The following CEP112 variants were observed in gnomAD, a reference collection of about 807,000 sequenced individuals.
CEP112 encodes centrosomal protein of 112 kDa.
Under a neutral mutation model 153.0 loss-of-function variants are expected in CEP112, and 127 were observed. The observed-to-expected ratio is 0.83, with a 90% CI of 0.72 to 0.96. CEP112 has a LOEUF of 0.96. Among genes scored for constraint, CEP112 ranks in the 40% least tolerant of loss-of-function variants. The pLI, the probability that CEP112 is intolerant of heterozygous loss-of-function variation, is 0.00. For missense variants in CEP112, 1,089 were observed against 1,101.2 expected, an observed-to-expected ratio of 0.99 and a Z score of 0.16; for synonymous variants, 358 against 374.4, an observed-to-expected ratio of 0.96 and a Z score of 0.51.
In CEP112 at chr17:65,983,705, C is replaced by G. The variant is rs2063307045; in HGVS notation, c.1736+21985G>C. Among the ~76,000 whole-genome samples, 2 of 152,170 alleles carry G rather than the reference C, an allele frequency of 1.3e-5. 1 individual carries two copies. The highest frequency in any genetic ancestry group is 4.1e-4 in the South Asian group (2 of 4,826). On this transcript the variant is annotated intron_variant, in intron 17 of 26. Coordinates refer to ENST00000535342, the MANE Select transcript of CEP112 (RefSeq NM_001199165.4). ...GTCCTACAAGAAGCAGATGTTGGCACCAAGCTTCTTGTACAGTCTGTAGAA... is the reference window on the plus strand; with the variant it reads ...GTCCTACAAGAAGCAGATGTTGGCAGCAAGCTTCTTGTACAGTCTGTAGAA...
chr17:65,912,033 C>T (rs1029591425), intron 19 of CEP112, among the ~76,000 whole-genome samples: 4 of 152,168 alleles, frequency 2.6e-5, no homozygotes, highest in Non-Finnish European at 5.9e-5. Flanking sequence ...TCTCTTAAAA[C>T]AAACGGGTTC....
intron 17 of CEP112, among the ~76,000 whole-genome samples, chr17:65,992,896 G>A (rs535792137): frequency 2.6e-5 from 4 of 151,948 alleles, no homozygotes; most frequent in Non-Finnish European, 4.4e-5. Context: ...TAAACTGGAA[G>A]GCTTAATTCT....
chr17:65,821,520 A>ATATATATATATATATAAT (rs2056561313), intron 21 of CEP112, among the ~76,000 whole-genome samples: 2 of 26,810 alleles, frequency 7.5e-5, no homozygotes, highest in Non-Finnish European at 1.4e-4. Flanking sequence ...ATAATTATAT[A>ATATATATATATATATAAT]TATATATATA....
intron 16 of CEP112, among the ~76,000 whole-genome samples, chr17:66,013,933 G>A (rs2064652989): frequency 6.6e-6 from 1 of 152,202 alleles, no homozygotes; most frequent in Admixed American, 6.5e-5. Context: ...CCTTGTGCAT[G>A]TTCACACTGG....
At chr17:66,050,353 A>G (rs577202448) in intron 12 of CEP112, among the ~76,000 whole-genome samples, 5 of 152,190 alleles carry the variant, frequency 3.3e-5, no homozygotes, top group African/African-American at 9.6e-5. Flanking sequence ...CACTCAAAGG[A>G]TTCTAGAGCC....
rs115173519 is a variant in CEP112, at chr17:65,667,941, G to A, written c.2697+21188C>T. On this transcript the variant is annotated intron_variant, in intron 24 of 26. Transcript: ENST00000535342. Reference sequence around the variant, plus strand: ...AGACTGAGTCTCGCTGTGTCACCCAGGATGGAGTGCAGTGGCGCAGTCTCC... The same window carrying A: ...AGACTGAGTCTCGCTGTGTCACCCAAGATGGAGTGCAGTGGCGCAGTCTCC... 4.2e-3 allele frequency among the ~76,000 whole-genome samples: 637 copies of A among 151,582 alleles called. 3 individuals are homozygous for A. Among genetic ancestry groups the A allele is most frequent in the African/African-American group, 0.014 (589 of 41,320 alleles).
At chr17:65,693,277 CT>C (rs1407084262) in intron 23 of CEP112, among the ~76,000 whole-genome samples, 5 of 152,076 alleles carry the variant, frequency 3.3e-5, no homozygotes, top group African/African-American at 9.7e-5. Flanking sequence ...CACCTGCCCC[CT>C]GTCCCCACTG....
At chr17:65,744,118 C>G (rs960034083) in intron 22 of CEP112, among the ~76,000 whole-genome samples, 2 of 152,012 alleles carry the variant, frequency 1.3e-5, no homozygotes, top group African/African-American at 4.8e-5. Context: ...AAATACCTTA[C>G]GTTGTTGAAA....
rs1755822056 is a variant in CEP112, at chr17:65,818,344, A to C, written c.2394+33460T>G. ...CAAAGCCCTCGTTGCAGAACACCAA[A>C]AGCCACATATTTTAAGATATCAAAA... On this transcript the variant is annotated intron_variant, in intron 21 of 26. Coordinates refer to ENST00000535342, the MANE Select transcript of CEP112 (RefSeq NM_001199165.4). 2.6e-5 allele frequency among the ~76,000 whole-genome samples: 4 copies of C among 151,884 alleles called. No homozygotes were observed. In the South Asian group the frequency reaches 8.3e-4, roughly 31 times the overall value.
At chr17:65,870,014 T>C (rs543768697) in intron 20 of CEP112, among the ~76,000 whole-genome samples, 1 of 44,614 alleles carries the variant, frequency 2.2e-5, no homozygotes, top group African/African-American at 7.1e-5. Context: ...AGGTAGAGAA[T>C]AAGAAAGAAA....
intron 21 of CEP112, among the ~76,000 whole-genome samples, chr17:65,844,676 C>CAA (rs1351732289): frequency 3.1e-5 from 4 of 130,662 alleles, no homozygotes; most frequent in Non-Finnish European, 4.9e-5. Context: ...GACTCTATCT[C>CAA]AAAAAAAAAA....
chr17:66,082,777 A>T (rs1033515059), intron 8 of CEP112, among the ~76,000 whole-genome samples: 9 of 151,450 alleles, frequency 5.9e-5, no homozygotes, highest in African/African-American at 1.2e-4. Context: ...AAAAAAAAAA[A>T]TTTTTATATG....
At chr17:66,186,217 T>G (rs118190016) in intron 1 of CEP112, among the ~76,000 whole-genome samples, 2 of 152,118 alleles carry the variant, frequency 1.3e-5, no homozygotes, top group Non-Finnish European at 2.9e-5. Context: ...CTGACTACCA[T>G]GTACTCCCCT....
At chr17:65,850,750 C>A (rs1259242192) in intron 21 of CEP112, among the ~76,000 whole-genome samples, 1 of 152,184 alleles carries the variant, frequency 6.6e-6, no homozygotes, top group African/African-American at 2.4e-5. Flanking sequence ...TGGACCCACA[C>A]CCTGAGGTTT....
At chr17:65,742,040 C>T (rs990160930) in intron 23 of CEP112, among the ~76,000 whole-genome samples, 1 of 150,150 alleles carries the variant, frequency 6.7e-6, no homozygotes, top group Admixed American at 6.7e-5. Context: ...GTGAAGAGGC[C>T]GGATGTAATG....
intron 24 of CEP112, among the ~76,000 whole-genome samples, chr17:65,669,827 C>G (rs183008397): frequency 6.6e-6 from 1 of 151,158 alleles, no homozygotes; most frequent in Non-Finnish European, 1.5e-5. Context: ...GGCGTGAACC[C>G]GGGAGGCGGA....
At chr17:66,041,381 TC>T (rs1230548040) in intron 12 of CEP112, among the ~76,000 whole-genome samples, 2 of 152,106 alleles carry the variant, frequency 1.3e-5, no homozygotes, top group African/African-American at 4.8e-5. Flanking sequence ...GTATAGCAGG[TC>T]CTCAAATAAC....
chr17:65,728,567 C>T (rs1371914324), intron 23 of CEP112, among the ~76,000 whole-genome samples: 1 of 152,108 alleles, frequency 6.6e-6, no homozygotes, highest in Non-Finnish European at 1.5e-5. Context: ...ACCAGTGGTA[C>T]TTGAGTAAAT....
At chr17:65,677,863 A>T (rs1376809855) in intron 24 of CEP112, among the ~76,000 whole-genome samples, 1 of 152,216 alleles carries the variant, frequency 6.6e-6, no homozygotes, top group Non-Finnish European at 1.5e-5. Flanking sequence ...CAGTGAGCCA[A>T]GATTGCGCCA....
Sources: gnomAD v4.1 joint callset for allele counts (sites outside exome capture counted in the v4.1 genomes callset) on GRCh38, gnomAD v4.1.1 for gene constraint, MANE v1.5 for transcripts, NCBI Gene and HGNC (gene_info 2026-07-23, HGNC 2026-07-21) for gene names.